The following TSHR variants were observed in gnomAD, a reference collection of about 807,000 sequenced individuals.
TSHR encodes the protein thyroid stimulating hormone receptor.
TSHR carries 51 observed loss-of-function variants against 64.1 expected under a neutral mutation model. That is an observed-to-expected ratio of 0.80 (90% CI 0.64 to 1.01). The LOEUF is 1.01. Among genes scored for constraint, TSHR ranks in the 50% least tolerant of loss-of-function variants. TSHR has a pLI of 0.00. For synonymous variants in TSHR, 361 were observed against 361.9 expected, an observed-to-expected ratio of 1.00 and a Z score of 0.03; for missense variants, 877 against 942.8, an observed-to-expected ratio of 0.93 and a Z score of 0.91.
intron 1 of TSHR, among the ~76,000 whole-genome samples, chr14:81,044,839 G>A (rs1487737129): frequency 1.3e-5 from 2 of 152,072 alleles, no homozygotes; most frequent in African/African-American, 4.8e-5. Context: ...AAGACTGTGT[G>A]GTGATTCCTC....
chr14:81,095,731 T>G (rs1200721268), intron 6 of TSHR, among the ~76,000 whole-genome samples: 1 of 152,044 alleles, frequency 6.6e-6, no homozygotes, highest in Non-Finnish European at 1.5e-5. Context: ...AATTAATTAG[T>G]CATAGAAACA....
At chr14:81,095,911 A>G (rs993602979) in intron 6 of TSHR, among the ~76,000 whole-genome samples, 1 of 152,050 alleles carries the variant, frequency 6.6e-6, no homozygotes, top group African/African-American at 2.4e-5. Flanking sequence ...ATGGTGGCAC[A>G]TGCCTATAGT....
intron 1 of TSHR, among the ~76,000 whole-genome samples, chr14:81,047,506 T>A (rs529494551): frequency 2.6e-5 from 4 of 152,254 alleles, no homozygotes; most frequent in African/African-American, 9.6e-5. Context: ...CTGACAACAC[T>A]TTGAAATTGT....
chr14:81,043,676 T>C (rs1885029772), intron 1 of TSHR, among the ~76,000 whole-genome samples: 1 of 152,106 alleles, frequency 6.6e-6, no homozygotes. Context: ...GCTACCTAAC[T>C]TCAAACTACA....
At chr14:80,968,664 T>C (rs1345439068) in intron 1 of TSHR, among the ~76,000 whole-genome samples, 2 of 152,200 alleles carry the variant, frequency 1.3e-5, no homozygotes, top group Non-Finnish European at 2.9e-5. Flanking sequence ...AGTTGCCTTG[T>C]TCTTGTCATA....
Position 81,143,322 on chromosome 14 carries a change from T to C in TSHR, c.1264T>C (p.Trp422Arg), listed in dbSNP as rs746029360. 5 of 1,614,090 alleles carry C rather than the reference T, an allele frequency of 3.1e-6. No individual in the cohort carries two copies. The Admixed American group carries it at 6.7e-5, about 22-fold the overall frequency. ...MGYKFLRIVV[W>R]FVSLLALLGN... ...CTACAAGTTCCTGAGAATTGTGGTG[T>C]GGTTCGTTAGTCTGCTGGCTCTCCT... The change falls in exon 10 of 10, where the codon TGG becomes CGG. Residue 422 changes from tryptophan (W) to arginine (R), a missense_variant. Physicochemically the swap from Trp to Arg is moderately radical, Grantham distance 101. Coordinates refer to ENST00000298171, the MANE Select transcript of TSHR (RefSeq NM_000369.5).
chr14:80,970,750 C>T (rs1394073467), intron 1 of TSHR, among the ~76,000 whole-genome samples: 1 of 152,214 alleles, frequency 6.6e-6, no homozygotes, highest in African/African-American at 2.4e-5. Flanking sequence ...GCCAAGACGC[C>T]CAGCAAGTGC....
chr14:81,143,212 A>G lies in TSHR; in HGVS notation c.1154A>G (p.Tyr385Cys), dbSNP rs1224730822. 4 of 1,614,178 alleles carry G rather than the reference A, an allele frequency of 2.5e-6. No homozygotes were observed. Among genetic ancestry groups the G allele is most frequent in the East Asian group, 2.2e-5 (1 of 44,884 alleles). The change falls in exon 10 of 10, where the codon TAT (tyrosine) becomes TGT (cysteine). Residue 385 changes from tyrosine to cysteine, a missense_variant. Coordinates refer to ENST00000298171, the MANE Select transcript of TSHR (RefSeq NM_000369.5). ...EETLQAFDSH[Y>C]DYTICGDSED... ...ACTCTACAAGCTTTTGACAGCCATT[A>G]TGACTACACCATATGTGGGGACAGT...
intron 1 of TSHR, among the ~76,000 whole-genome samples, chr14:81,026,006 C>T (rs568455756): frequency 2.6e-5 from 4 of 152,238 alleles, no homozygotes; most frequent in South Asian, 2.1e-4. Context: ...AGATGGATGG[C>T]CTCAAGGAGC....
At chr14:80,972,585 CCCT>C (rs1431658579) in intron 1 of TSHR, among the ~76,000 whole-genome samples, 1 of 152,128 alleles carries the variant, frequency 6.6e-6, no homozygotes, top group Non-Finnish European at 1.5e-5. Context: ...CCTCTCCCTC[CCCT>C]CCTCCTCTCT....
At chr14:81,107,689 A>G (rs1889982507) in intron 7 of TSHR, among the ~76,000 whole-genome samples, 1 of 152,174 alleles carries the variant, frequency 6.6e-6, no homozygotes, top group South Asian at 2.1e-4. Context: ...ATCTGGCTAA[A>G]CACTGCTCAC....
intron 1 of TSHR, among the ~76,000 whole-genome samples, chr14:81,000,500 G>C (rs1889255439): frequency 6.6e-6 from 1 of 152,130 alleles, no homozygotes; most frequent in Admixed American, 6.5e-5. Flanking sequence ...CCTGAATCTG[G>C]TGGTGGCTGG....
chr14:81,134,885 G>A (rs1595167035), intron 8 of TSHR, among the ~76,000 whole-genome samples: 1 of 152,294 alleles, frequency 6.6e-6, no homozygotes. Context: ...AATGGAAAAA[G>A]ATTCCTATCA....
chr14:81,114,175 G>C (rs1360132776), intron 8 of TSHR, among the ~76,000 whole-genome samples: 1 of 151,256 alleles, frequency 6.6e-6, no homozygotes, highest in Non-Finnish European at 1.5e-5. Context: ...GGGGGGAGGA[G>C]CCAAGATGGC....
chr14:81,072,360 G>A (rs1400811898), intron 3 of TSHR, among the ~76,000 whole-genome samples: 1 of 152,118 alleles, frequency 6.6e-6, no homozygotes, highest in African/African-American at 2.4e-5. Context: ...TAATGTGAAA[G>A]TGTTCTAAAG....
At chr14:81,027,081 G>A in intron 1 of TSHR, among the ~76,000 whole-genome samples, 1 of 151,332 alleles carries the variant, frequency 6.6e-6, no homozygotes, top group East Asian at 1.9e-4. Context: ...CAGCAATGTT[G>A]CCCATGTTGA....
intron 8 of TSHR, among the ~76,000 whole-genome samples, chr14:81,132,329 A>T (rs1891281994): frequency 6.6e-6 from 1 of 152,242 alleles, no homozygotes; most frequent in Admixed American, 6.5e-5. Flanking sequence ...AATTGAATTT[A>T]TCATAAATTA....
chr14:80,962,648 G>A (rs1887094949), intron 1 of TSHR, among the ~76,000 whole-genome samples: 1 of 152,184 alleles, frequency 6.6e-6, no homozygotes. Context: ...GAAGAACCTG[G>A]TAAGATATTA....
At chr14:81,124,393 A>G (rs57661023) in intron 8 of TSHR, among the ~76,000 whole-genome samples, 1 of 152,082 alleles carries the variant, frequency 6.6e-6, no homozygotes, top group African/African-American at 2.4e-5. Flanking sequence ...AATAACGTAC[A>G]CAATTTTTTA....
Sources: gnomAD v4.1 joint callset for allele counts (sites outside exome capture counted in the v4.1 genomes callset) on GRCh38, gnomAD v4.1.1 for gene constraint, MANE v1.5 for transcripts, NCBI Gene and HGNC (gene_info 2026-07-23, HGNC 2026-07-21) for gene names.